The following CUL7 variants were observed in gnomAD, a reference collection of about 807,000 sequenced individuals.
CUL7 encodes cullin-7.
CUL7 carries 96 observed loss-of-function variants against 177.7 expected under a neutral mutation model. That is an observed-to-expected ratio of 0.54 (90% CI 0.46 to 0.64). CUL7 has a LOEUF of 0.64. Among genes scored for constraint, CUL7 ranks in the 30% least tolerant of loss-of-function variants. The pLI is 0.00. For synonymous variants in CUL7, 824 were observed against 890.2 expected (o/e 0.93, Z 1.32); for missense variants, 1,893 against 2,187.9 (o/e 0.87, Z 2.69).
At position 43,053,200 on chromosome 6, in the gene CUL7, G is replaced by A. The variant is rs947150605; in HGVS notation, c.-8-404C>T. Among the ~76,000 whole-genome samples, 3 of 152,142 alleles carry A rather than the reference G, an allele frequency of 2.0e-5. No individual in the cohort carries two copies. Among genetic ancestry groups the A allele is most frequent in the Non-Finnish European group, 2.9e-5 (2 of 68,014 alleles). ...GGAGATCGTGAGTGTGTGTGAAAAG[G>A]GGTGCTGTCTCTAAGGATTGGAGCA... On this transcript the variant is annotated intron_variant, in intron 1 of 25. Transcript: ENST00000265348. This position sits in a 1 kb window ranked among gnomAD's most constrained non-coding sequence, Gnocchi z 4.1.
rs561759313 is a variant in CUL7, at chr6:43,050,537, G to A, written c.1234-139C>T. The A allele has an allele frequency of 1.4e-4, 79 of 547,914 alleles. 3 individuals are homozygous for A. In the Middle Eastern group the frequency reaches 5.7e-3, roughly 40 times the overall value. 33.9% of individuals were successfully genotyped at this position (547,914 alleles called of 1,614,324 possible). The stretch of plus-strand genomic sequence containing the variant: ...AAAACCTCCACATAACAAAACAGCA[G>A]CATATGGAGAATACACACACACACA... On this transcript the variant is annotated intron_variant, in intron 4 of 25. Transcript: ENST00000265348. This position sits in a 1 kb window ranked among gnomAD's most constrained non-coding sequence, Gnocchi z 4.1.
At position 43,053,820 on chromosome 6, in the gene CUL7, C is replaced by T. The variant is rs1764685009; in HGVS notation, c.-207G>A. On this transcript the variant is annotated 5_prime_UTR_variant, in exon 1 of 26. Transcript: ENST00000265348. This position sits in a 1 kb window ranked among gnomAD's most constrained non-coding sequence, Gnocchi z 4.1. ...CCACTGGGGCAGGGTGGGGCCCGGT[C>T]CCTGCCAGCGGCTCCGCCAGCCAAA... The T allele has an allele frequency of 6.5e-7, 1 of 1,533,020 alleles. No homozygotes were observed. The highest frequency in any genetic ancestry group is 1.2e-5 in the South Asian group (1 of 83,954). The allele number at this position is 1,533,020 out of a possible 1,614,324, so 95.0% of individuals were successfully genotyped here.
At position 43,051,409 on chromosome 6, in the gene CUL7, C is replaced by T. The variant is rs993647881; in HGVS notation, c.792G>A (p.Leu264=). 1.2e-6 allele frequency: 2 copies of T among 1,614,008 alleles called. No homozygotes were observed. Among genetic ancestry groups the T allele is most frequent in the Admixed American group, 3.3e-5 (2 of 59,992 alleles). ...CCGCAGCACTGTCGTTCAGCTGATC[C>T]AGGAGCGAGGTGACATGCAAATACC... The part of the protein sequence containing the change: ...VKRYLHVTSL[L]DQLNDSAAEP... The change falls in exon 4 of 26, where the codon CTG becomes CTA. Residue 264 remains leucine, a synonymous_variant. Transcript: ENST00000265348. The surrounding 1 kb of genome is among the most constrained non-coding windows in gnomAD (Gnocchi z 5.0).
rs199920220 is a variant in CUL7 at position 43,038,306 on chromosome 6, A to G, written c.4734T>C (p.His1578=). ...GGTCAATGTGCAGCCCCTCATCTCCATGGGCCTTGAGGATTCGGACGATGA... is the reference window on the plus strand; with the variant it reads ...GGTCAATGTGCAGCCCCTCATCTCCGTGGGCCTTGAGGATTCGGACGATGA... ...NCLIVRILKA[H]GDEGLHIDQL... The change falls in exon 25 of 26, where the codon CAT becomes CAC. Residue 1578 remains histidine (H), a synonymous_variant. Transcript: ENST00000265348. 6.2e-7 allele frequency: 1 copy of G among 1,613,984 alleles called. No homozygotes were observed. The highest frequency in any genetic ancestry group is 2.2e-5 in the East Asian group (1 of 44,878).
rs1763320788 is a variant in CUL7, at chr6:43,040,557, C to T, written c.3996G>A (p.Lys1332=). 6.2e-7 allele frequency: 1 copy of T among 1,614,206 alleles called. No individual in the cohort carries two copies. The highest frequency in any genetic ancestry group is 8.5e-7 in the Non-Finnish European group (1 of 1,180,026). ...QLQQLDQELL[K]LEDTEKKIQV... Reference sequence around the variant, plus strand: ...GTATTTTCTTCTCTGTATCCTCCAGCTTCAGGAGTTCCTGATCCAGCTGCT... The same window carrying T: ...GTATTTTCTTCTCTGTATCCTCCAGTTTCAGGAGTTCCTGATCCAGCTGCT... The change falls in exon 21 of 26, where the codon AAG becomes AAA. Residue 1332 remains lysine (K), a synonymous_variant. Coordinates refer to ENST00000265348, the MANE Select transcript of CUL7 (RefSeq NM_014780.5). The surrounding 1 kb of genome is among the most constrained non-coding windows in gnomAD (Gnocchi z 4.2).
Position 43,053,743 on chromosome 6 carries a change from CG to C in CUL7, c.-131del, listed in dbSNP as rs754489977. 18 of 1,487,296 alleles carry C rather than the reference CG, an allele frequency of 1.2e-5. No homozygotes were observed. The South Asian group carries it at 2.3e-4, about 19-fold the overall frequency. The allele number at this position is 1,487,296 out of a possible 1,614,324, so 92.1% of individuals were successfully genotyped here. ...CCGCGAGGGGGTCGAGACGGAGAGA[CG>C]GGAGGGGGCGTGCCTCCGCGGAACA... On this transcript the variant is annotated 5_prime_UTR_variant, in exon 1 of 26. Coordinates refer to ENST00000265348, the MANE Select transcript of CUL7 (RefSeq NM_014780.5). This position sits in a 1 kb window ranked among gnomAD's most constrained non-coding sequence, Gnocchi z 4.1.
At position 43,050,794 on chromosome 6, in the gene CUL7, T is replaced by C. The variant is rs969550198; in HGVS notation, c.1233+174A>G. ...GACTTCACAGCCTCCTAAACCCAGA[T>C]TTTCCCAGCTCTCAGAATGGCCCCC... On this transcript the variant is annotated intron_variant, in intron 4 of 25. Coordinates refer to ENST00000265348, the MANE Select transcript of CUL7 (RefSeq NM_014780.5). The surrounding 1 kb of genome is among the most constrained non-coding windows in gnomAD (Gnocchi z 4.1). Among the ~76,000 whole-genome samples, 9 of 152,012 alleles carry C rather than the reference T, an allele frequency of 5.9e-5. No homozygotes were observed. The highest frequency in any genetic ancestry group is 2.2e-4 in the African/African-American group (9 of 41,368).
chr6:43,050,546 GAATACACACACA>G lies in CUL7; in HGVS notation c.1234-160_1234-149del. 3.5e-6 allele frequency: 2 copies of G among 567,312 alleles called. No individual in the cohort carries two copies. The highest frequency in any genetic ancestry group is 6.4e-6 in the Non-Finnish European group (2 of 311,404). 35.1% of individuals were successfully genotyped at this position (567,312 alleles called of 1,614,324 possible). ...ACATAACAAAACAGCAGCATATGGA[GAATACACACACA>G]CACACACACACACACACACACACAC... On this transcript the variant is annotated intron_variant, in intron 4 of 25. Coordinates refer to ENST00000265348, the MANE Select transcript of CUL7 (RefSeq NM_014780.5). The surrounding 1 kb of genome is among the most constrained non-coding windows in gnomAD (Gnocchi z 4.1).
chr6:43,042,720 G>A, intron 19 of CUL7, 82 bp downstream of exon 19: 1 of 884,192 alleles, frequency 1.1e-6, no homozygotes, highest in Non-Finnish European at 1.9e-6. Context: ...AATGGGAATG[G>A]AAGGGTGGGT....
Position 43,053,342 on chromosome 6 carries a change from G to C in CUL7, c.-9+280C>G, listed in dbSNP as rs1764604698. ...ACTAGGAGGAGGCACTGGTGGGTTG[G>C]AGGCGCCTCCGACTGGAGCAACTGG... On this transcript the variant is annotated intron_variant, in intron 1 of 25. Coordinates refer to ENST00000265348, the MANE Select transcript of CUL7 (RefSeq NM_014780.5). The surrounding 1 kb of genome is among the most constrained non-coding windows in gnomAD (Gnocchi z 4.1). 1.3e-5 allele frequency among the ~76,000 whole-genome samples: 2 copies of C among 152,150 alleles called. No individual in the cohort carries two copies. Among genetic ancestry groups the C allele is most frequent in the Non-Finnish European group, 1.5e-5 (1 of 68,018 alleles).
Position 43,038,985 on chromosome 6 carries a change from G to A in CUL7, c.4297C>T (p.Gln1433Ter), listed in dbSNP as rs377169342. ...CCTCGCTCAAGGGCAGGGTGGCTCT[G>A]ACCTGGACCAGGAAGGGGGAGGGAG... ...NRYSNFYNKS[Q>*]SHPALERGSQ... Residue 1433 changes from glutamine to a stop codon, truncating the protein, a stop_gained and splice_region_variant, in exon 23 of 26, where the codon CAG becomes TAG. Coordinates refer to ENST00000265348, the MANE Select transcript of CUL7 (RefSeq NM_014780.5). LOFTEE classifies it high-confidence loss of function. 1.9e-6 allele frequency: 3 copies of A among 1,605,796 alleles called. No individual in the cohort carries two copies. Among genetic ancestry groups the A allele is most frequent in the Non-Finnish European group, 8.5e-7 (1 of 1,172,420 alleles).
At chr6:43,048,292 C>A in intron 8 of CUL7, 39 bp from the exon 9 acceptor site, 1 of 1,594,316 alleles carries the variant, frequency 6.3e-7, no homozygotes, top group Non-Finnish European at 8.6e-7. Flanking sequence ...TCATGGACCC[C>A]CTTTGCCCTC....
chr6:43,038,755 GGAA>G (rs1372290671), intron 23 of CUL7, 63 bp from the exon 24 acceptor site: 1 of 1,612,334 alleles, frequency 6.2e-7, no homozygotes, highest in African/African-American at 1.3e-5. Flanking sequence ...GAGGATGGAG[GGAA>G]GAAGCAGAGG....
In CUL7 at chr6:43,051,788, ACTT is replaced by A; in HGVS notation, c.581-28_581-26del. 1 of 1,613,712 alleles carries A rather than the reference ACTT, an allele frequency of 6.2e-7. No homozygotes were observed. The highest frequency in any genetic ancestry group is 1.1e-5 in the South Asian group (1 of 90,982). On this transcript the variant is annotated intron_variant, in intron 2 of 25. Coordinates refer to ENST00000265348, the MANE Select transcript of CUL7 (RefSeq NM_014780.5). The surrounding 1 kb of genome is among the most constrained non-coding windows in gnomAD (Gnocchi z 5.0). ...CCTGTAACCCACACCCCAGTTGGTA[ACTT>A]CTCCCTAATCTCACCCTTCCTAGAA...
Position 43,038,932 on chromosome 6 carries a change from C to A in CUL7, c.4350G>T (p.Trp1450Cys). ...CAAACTGCAGCTCAGCCCAGCCCAG[C>A]CACGTCCACTGCAGTCGCCTCTGTG... ...RGSQRRLQWT[W>C]LGWAELQFGN... Residue 1450 changes from tryptophan to cysteine, a missense_variant, in exon 23 of 26, where the codon TGG (tryptophan) becomes TGT (cysteine). Coordinates refer to ENST00000265348, the MANE Select transcript of CUL7 (RefSeq NM_014780.5). 1 of 1,613,592 alleles carries A rather than the reference C, an allele frequency of 6.2e-7. No homozygotes were observed. The highest frequency in any genetic ancestry group is 8.5e-7 in the Non-Finnish European group (1 of 1,179,470).
At position 43,048,511 on chromosome 6, in the gene CUL7, A is replaced by C. The variant is rs771240776; in HGVS notation, c.1884T>G (p.Tyr628Ter). 6.2e-7 allele frequency: 1 copy of C among 1,614,152 alleles called. No individual in the cohort carries two copies. Among genetic ancestry groups the C allele is most frequent in the Non-Finnish European group, 8.5e-7 (1 of 1,180,016 alleles). Residue 628 changes from tyrosine to a stop codon, truncating the protein, a stop_gained, in exon 8 of 26, where the codon TAT (tyrosine) becomes TAG (stop). Coordinates refer to ENST00000265348, the MANE Select transcript of CUL7 (RefSeq NM_014780.5). LOFTEE classifies it high-confidence loss of function. The stretch of plus-strand genomic sequence containing the variant: ...CCAGGAGGATTTTCCCAGCTGGACC[A>C]TAACCCTCCACCAGACGCTGCAGGG... ...NTPLQRLVEG[Y>*]GPAGKILLDL... is the part of the protein sequence containing the mutation.
intron 12 of CUL7, 72 bp downstream of exon 12, chr6:43,046,164 C>G: frequency 6.2e-7 from 1 of 1,612,432 alleles, no homozygotes; most frequent in Non-Finnish European, 8.5e-7. Context: ...GGTGGTGCTT[C>G]CCCCAAAACA....
In CUL7 at chr6:43,052,393, G is replaced by A. The variant is rs1392202548; in HGVS notation, c.396C>T (p.Ile132=). 1.9e-6 allele frequency: 3 copies of A among 1,614,248 alleles called. No individual in the cohort carries two copies. The highest frequency in any genetic ancestry group is 2.5e-6 in the Non-Finnish European group (3 of 1,180,036). Residue 132 remains isoleucine (I), a synonymous_variant, in exon 2 of 26, where the codon ATC becomes ATT. Transcript: ENST00000265348. This position sits in a 1 kb window ranked among gnomAD's most constrained non-coding sequence, Gnocchi z 4.5. The part of the protein sequence containing the change: ...LRQLEECVGT[I]PPAPLLHTVH... ...CAGTGTGAAGTAGAGGAGCAGGAGGGATAGTGCCCACACACTCCTCCAGCT... is the reference window on the plus strand; with the variant it reads ...CAGTGTGAAGTAGAGGAGCAGGAGGAATAGTGCCCACACACTCCTCCAGCT...
Position 43,044,747 on chromosome 6 carries a change from G to A in CUL7, c.3172+5C>T. On this transcript the variant is annotated splice_donor_5th_base_variant and intron_variant, in intron 16 of 25. Transcript: ENST00000265348. ...AGTAATGGGTCCAGATGTCAGGATG[G>A]TTACCAGGGGAGGTGATGTTCTGCA... 2 of 1,608,290 alleles carry A rather than the reference G, an allele frequency of 1.2e-6. No homozygotes were observed. Among genetic ancestry groups the A allele is most frequent in the Middle Eastern group, 1.7e-4 (1 of 6,040 alleles).
Sources: allele counts gnomAD v4.1 joint callset (sites outside exome capture counted in the v4.1 genomes callset), GRCh38; gene constraint gnomAD v4.1.1; non-coding constraint Gnocchi (gnomAD v3.1); transcripts MANE v1.5; gene names NCBI Gene and HGNC (gene_info 2026-07-23, HGNC 2026-07-21).